CEP57L1: variants seen among roughly 807,000 people sequenced by gnomAD.
CEP57L1 encodes centrosomal protein 57 like 1, also known as centrosomal protein CEP57L1.
A neutral mutation model predicts 61.0 loss-of-function variants in CEP57L1; 37 were observed. That is an observed-to-expected ratio of 0.61 (90% confidence interval 0.47 to 0.80). The LOEUF (loss-of-function observed/expected upper bound fraction) is 0.80, where lower values mean the gene tolerates loss of function less well. Among genes scored for constraint, CEP57L1 ranks in the 30% least tolerant of loss-of-function variants. The pLI is 0.00. For missense variants in CEP57L1, 422 were observed against 524.7 expected, an observed-to-expected ratio of 0.80 and a Z score of 1.91; for synonymous variants, 137 against 162.3, an observed-to-expected ratio of 0.84 and a Z score of 1.19.
chr6:109,138,510 T>C (rs1341342845), intron 1 of CEP57L1, among the ~76,000 whole-genome samples: 1 of 152,214 alleles, frequency 6.6e-6, no homozygotes, highest in Non-Finnish European at 1.5e-5. Flanking sequence ...CTTTGATTCT[T>C]TTTTAGTAGA....
intron 3 of CEP57L1, among the ~76,000 whole-genome samples, chr6:109,148,140 T>C (rs1036963953): frequency 2.0e-5 from 3 of 152,046 alleles, no homozygotes; most frequent in Admixed American, 6.6e-5. Flanking sequence ...TATTATACTT[T>C]AAGTTTTAGG....
At chr6:109,161,838 T>C (rs898167211) in intron 10 of CEP57L1, among the ~76,000 whole-genome samples, 2 of 152,122 alleles carry the variant, frequency 1.3e-5, no homozygotes, top group African/African-American at 2.4e-5. Flanking sequence ...ATTTTAAGCA[T>C]TTTATTATGA....
intron 1 of CEP57L1, among the ~76,000 whole-genome samples, chr6:109,144,728 A>T (rs538732793): frequency 6.6e-6 from 1 of 152,102 alleles, no homozygotes; most frequent in Non-Finnish European, 1.5e-5. Flanking sequence ...AAATTCCGAT[A>T]TTTCATATAT....
chr6:109,144,611 C>T (rs936326084), intron 1 of CEP57L1, among the ~76,000 whole-genome samples: 1 of 151,882 alleles, frequency 6.6e-6, no homozygotes, highest in East Asian at 1.9e-4. Flanking sequence ...AAATAAAAAC[C>T]AGACTAACAA....
intron 1 of CEP57L1, among the ~76,000 whole-genome samples, chr6:109,105,292 A>G (rs1770794668): frequency 1.3e-5 from 2 of 152,158 alleles, no homozygotes; most frequent in East Asian, 3.8e-4. Flanking sequence ...ATTTTCTTCT[A>G]AAACAAAGGT....
chr6:109,158,083 CT>C, intron 7 of CEP57L1: 1 of 152,470 alleles, frequency 6.6e-6, no homozygotes. Flanking sequence ...TTGTGGTTGG[CT>C]TTTTTCCCTT....
chr6:109,141,852 A>G (rs1313963161), intron 1 of CEP57L1, among the ~76,000 whole-genome samples: 1 of 152,210 alleles, frequency 6.6e-6, no homozygotes, highest in East Asian at 1.9e-4. Flanking sequence ...AGATCAAAGA[A>G]ACTGAGCTGT....
chr6:109,159,146 G>A, intron 8 of CEP57L1, 44 bp downstream of exon 8: 1 of 1,613,842 alleles, frequency 6.2e-7, no homozygotes, highest in South Asian at 1.1e-5. Context: ...AAAAACTCCT[G>A]TTTTGTTGTA....
At chr6:109,155,649 G>A (rs1773143539) in intron 6 of CEP57L1, 142 bp from the exon 7 acceptor site, 2 of 594,256 alleles carry the variant, frequency 3.4e-6, no homozygotes, top group South Asian at 2.1e-5. Flanking sequence ...ACCTTCACAT[G>A]TACAAAAACG....
At chr6:109,144,960 A>T (rs1231483733) in intron 1 of CEP57L1, among the ~76,000 whole-genome samples, 1 of 152,036 alleles carries the variant, frequency 6.6e-6, no homozygotes, top group Non-Finnish European at 1.5e-5. Flanking sequence ...GTAAATTCAA[A>T]TCACTCATGT....
At chr6:109,111,598 G>A (rs1771630968) in intron 1 of CEP57L1, among the ~76,000 whole-genome samples, 1 of 152,124 alleles carries the variant, frequency 6.6e-6, no homozygotes, top group Non-Finnish European at 1.5e-5. Context: ...CTTGTCTTCT[G>A]CCGGTTTTCA....
chr6:109,114,319 C>T (rs1178843804), intron 1 of CEP57L1, among the ~76,000 whole-genome samples: 1 of 152,072 alleles, frequency 6.6e-6, no homozygotes, highest in Non-Finnish European at 1.5e-5. Flanking sequence ...AGATGTTGAA[C>T]ATTTTAAAGT....
rs149689024 is a variant in CEP57L1, at chr6:109,099,331, T to G, written c.-4+3756T>G. Reference sequence around the variant, plus strand: ...AGCCAGTGAGCAGAGAAAAACCCACTGTTCAGTAGGTGTTCTAGAAGCAAA... The same window carrying G: ...AGCCAGTGAGCAGAGAAAAACCCACGGTTCAGTAGGTGTTCTAGAAGCAAA... On this transcript the variant is annotated intron_variant, in intron 1 of 10. Coordinates refer to ENST00000517392, the MANE Select transcript of CEP57L1 (RefSeq NM_001271852.3). 8.2e-3 allele frequency among the ~76,000 whole-genome samples: 1,255 copies of G among 152,248 alleles called. 8 individuals are homozygous for G. The highest frequency in any genetic ancestry group is 0.014 in the Middle Eastern group (4 of 294).
In CEP57L1 at chr6:109,166,775, A is replaced by G. The variant is rs543858597; in HGVS notation, c.*3805A>G. ...AATCAATCTAAGGGGGGAAGAGGCC[A>G]GTTGGTTATGCACAATGGAAGGAGT... is the stretch of plus-strand genomic sequence containing the variant. On this transcript the variant is annotated 3_prime_UTR_variant, in exon 11 of 11. Transcript: ENST00000517392. 1.3e-5 allele frequency among the ~76,000 whole-genome samples: 2 copies of G among 152,344 alleles called. No homozygotes were observed. Among genetic ancestry groups the G allele is most frequent in the African/African-American group, 4.8e-5 (2 of 41,594 alleles).
chr6:109,103,273 C>T (rs1770537558), intron 1 of CEP57L1, among the ~76,000 whole-genome samples: 1 of 152,048 alleles, frequency 6.6e-6, no homozygotes, highest in African/African-American at 2.4e-5. Context: ...TAAATGCTTC[C>T]TTAGTTTTTC....
At chr6:109,135,922 C>T (rs570896466) in intron 1 of CEP57L1, among the ~76,000 whole-genome samples, 1 of 152,252 alleles carries the variant, frequency 6.6e-6, no homozygotes, top group Non-Finnish European at 1.5e-5. Flanking sequence ...ACAACAGGTG[C>T]TGGAGAGGAT....
At position 109,166,714 on chromosome 6, in the gene CEP57L1, C is replaced by T. The variant is rs1774127488; in HGVS notation, c.*3744C>T. Among the ~76,000 whole-genome samples the T allele has an allele frequency of 6.6e-6, 1 of 151,930 alleles. No individual in the cohort carries two copies. Among genetic ancestry groups the T allele is most frequent in the South Asian group, 2.1e-4 (1 of 4,820 alleles). On this transcript the variant is annotated 3_prime_UTR_variant, in exon 11 of 11. Coordinates refer to ENST00000517392, the MANE Select transcript of CEP57L1 (RefSeq NM_001271852.3). ...TGTATTCTTATCCATGATAAGAGAT[C>T]AAAAATTAAATAAAAATTTTACTTG...
chr6:109,142,858 T>C (rs1200612222), intron 1 of CEP57L1, among the ~76,000 whole-genome samples: 1 of 152,132 alleles, frequency 6.6e-6, no homozygotes, highest in Non-Finnish European at 1.5e-5. Context: ...ATTTCTCATA[T>C]GTGCCCATGA....
intron 2 of CEP57L1, among the ~76,000 whole-genome samples, chr6:109,146,535 A>G (rs1258765374): frequency 1.3e-5 from 2 of 152,156 alleles, no homozygotes; most frequent in East Asian, 3.9e-4. Flanking sequence ...AGAAACCACT[A>G]AATACAATAA....
Sources: gnomAD v4.1 joint callset for allele counts (sites outside exome capture counted in the v4.1 genomes callset) on GRCh38, gnomAD v4.1.1 for gene constraint, MANE v1.5 for transcripts, NCBI Gene and HGNC (gene_info 2026-07-23, HGNC 2026-07-21) for gene names.